The following EPB41L3 variants were observed in gnomAD, a reference collection of about 807,000 sequenced individuals.
EPB41L3 encodes the protein erythrocyte membrane protein band 4.1 like 3.
In EPB41L3, 57 loss-of-function variants were observed where a neutral mutation model predicts 127.1. The observed-to-expected ratio is 0.45, with a 90% confidence interval of 0.36 to 0.56. The LOEUF (loss-of-function observed/expected upper bound fraction) is 0.56, where lower values mean the gene tolerates loss of function less well. Among genes scored for constraint, EPB41L3 ranks in the 20% least tolerant of loss-of-function variants. EPB41L3 has a pLI of 0.00. For missense variants in EPB41L3, 1,273 were observed against 1,372.2 expected, an observed-to-expected ratio of 0.93 and a Z score of 1.14; for synonymous variants, 572 against 549.5, an observed-to-expected ratio of 1.04 and a Z score of -0.57.
rs1158581057 is a variant in EPB41L3 at position 5,543,816 on chromosome 18, T to A, written c.-12+97A>T. 4 of 930,248 alleles carry A rather than the reference T, an allele frequency of 4.3e-6. No individual in the cohort carries two copies. The highest frequency in any genetic ancestry group is 5.1e-6 in the Non-Finnish European group (4 of 780,544). 57.6% of individuals were successfully genotyped at this position (930,248 alleles called of 1,614,324 possible). A position where few individuals can be genotyped will look rare whatever the true frequency, so the allele number is the denominator to read the frequency against. The stretch of plus-strand genomic sequence containing the variant: ...CCGAAGCCACGCGTCAGCCCCACTG[T>A]CCCGCGCGCCTCGCCCCAGGCCTCG... On this transcript the variant is annotated intron_variant, in intron 1 of 22. Coordinates refer to ENST00000341928, the MANE Select transcript of EPB41L3 (RefSeq NM_012307.5). This position sits in a 1 kb window ranked among gnomAD's most constrained non-coding sequence, Gnocchi z 5.2.
At chr18:5,507,275 C>T (rs1315865549) in intron 1 of EPB41L3, among the ~76,000 whole-genome samples, 4 of 152,044 alleles carry the variant, frequency 2.6e-5, no homozygotes, top group Admixed American at 6.6e-5. Flanking sequence ...ATTTAAAACA[C>T]GGATGTTATA....
upstream of EPB41L3, chr18:5,544,317 C>T (rs1251983930): frequency 3.0e-6 from 3 of 985,254 alleles, no homozygotes; most frequent in Non-Finnish European, 3.6e-6. Flanking sequence ...CTCTCCAGAC[C>T]CCTCTCCCCT....
At chr18:5,562,409 G>A (rs2094145876) in intron 3 of EPB41L3, among the ~76,000 whole-genome samples, 1 of 152,216 alleles carries the variant, frequency 6.6e-6, no homozygotes, top group African/African-American at 2.4e-5. Context: ...TGAGAGTAGG[G>A]ATCGTAAGTA....
chr18:5,582,391 A>G (rs2094401921), intron 3 of EPB41L3, among the ~76,000 whole-genome samples: 1 of 152,158 alleles, frequency 6.6e-6, no homozygotes, highest in African/African-American at 2.4e-5. Context: ...AGGACCAAGA[A>G]CTTGGCAGCT....
chr18:5,462,144 G>C (rs1599264248), intron 3 of EPB41L3, among the ~76,000 whole-genome samples: 1 of 152,048 alleles, frequency 6.6e-6, no homozygotes, highest in Admixed American at 6.6e-5. Context: ...TTTAATAATG[G>C]TACCTTAAAA....
chr18:5,568,196 A>G (rs2149243671), intron 3 of EPB41L3, among the ~76,000 whole-genome samples: 1 of 152,242 alleles, frequency 6.6e-6, no homozygotes. Context: ...AAAAAGTATA[A>G]CTGATATATA....
intron 3 of EPB41L3, among the ~76,000 whole-genome samples, chr18:5,589,482 T>C (rs1017163891): frequency 6.6e-6 from 1 of 152,204 alleles, no homozygotes; most frequent in African/African-American, 2.4e-5. Context: ...ATCATGTGGC[T>C]ATAAAACATA....
At chr18:5,411,512 G>T (rs1162754819) in intron 13 of EPB41L3, among the ~76,000 whole-genome samples, 4 of 152,070 alleles carry the variant, frequency 2.6e-5, no homozygotes, top group African/African-American at 9.7e-5. Flanking sequence ...TTTTTAATCT[G>T]TTTCACAGGG....
intron 3 of EPB41L3, among the ~76,000 whole-genome samples, chr18:5,470,429 T>A (rs1037439272): frequency 4.6e-5 from 7 of 152,238 alleles, no homozygotes; most frequent in African/African-American, 1.4e-4. Flanking sequence ...ACATGTTTTA[T>A]GGATTAAAAT....
At chr18:5,566,703 C>CTTTCT (rs1397385327) in intron 3 of EPB41L3, among the ~76,000 whole-genome samples, 21 of 147,522 alleles carry the variant, frequency 1.4e-4, no homozygotes, top group East Asian at 1.2e-3. Flanking sequence ...ACTACCTGAC[C>CTTTCT]TTTCTTTTCT....
chr18:5,507,597 A>G (rs1598433979), intron 1 of EPB41L3, among the ~76,000 whole-genome samples: 1 of 152,190 alleles, frequency 6.6e-6, no homozygotes, highest in East Asian at 1.9e-4. Context: ...TAAAATACCT[A>G]ACCTTAACAT....
At chr18:5,624,049 G>T (rs1568664815) in intron 1 of EPB41L3, among the ~76,000 whole-genome samples, 1 of 152,168 alleles carries the variant, frequency 6.6e-6, no homozygotes, top group Non-Finnish European at 1.5e-5. Flanking sequence ...CACCCAGGCT[G>T]GAGTGCAGTG....
intron 1 of EPB41L3, among the ~76,000 whole-genome samples, chr18:5,536,416 G>A (rs1221536467): frequency 6.7e-6 from 1 of 149,828 alleles, no homozygotes; most frequent in Non-Finnish European, 1.5e-5. Context: ...AAGACCAAAA[G>A]AAAATATTTA....
At chr18:5,563,044 T>C (rs1049546575) in intron 3 of EPB41L3, among the ~76,000 whole-genome samples, 1 of 152,178 alleles carries the variant, frequency 6.6e-6, no homozygotes, top group Admixed American at 6.5e-5. Context: ...TCAGGTAGTA[T>C]GGGAGCACCT....
chr18:5,593,941 T>C (rs10163849), intron 3 of EPB41L3, among the ~76,000 whole-genome samples: 1,787 of 152,320 alleles, frequency 0.012, 24 homozygotes, highest in African/African-American at 0.034. Context: ...ATTGCTGTTA[T>C]CCTGTTCTTT....
At chr18:5,492,282 T>A (rs2090685173) in intron 1 of EPB41L3, among the ~76,000 whole-genome samples, 1 of 147,172 alleles carries the variant, frequency 6.8e-6, no homozygotes, top group Non-Finnish European at 1.5e-5. Flanking sequence ...ATTGCACCAC[T>A]GCACTCCAGC....
At chr18:5,467,683 A>G (rs2085251978) in intron 3 of EPB41L3, 1 of 152,286 alleles carries the variant, frequency 6.6e-6, no homozygotes, top group Non-Finnish European at 1.5e-5. Flanking sequence ...AAAAGTGTAC[A>G]GAATTACAAA....
chr18:5,394,891 C>T, intron 21 of EPB41L3, 98 bp from the exon 22 acceptor site: 1 of 1,241,676 alleles, frequency 8.1e-7, no homozygotes, highest in South Asian at 1.3e-5. Flanking sequence ...TCTATATCCA[C>T]AATTTACAAA....
intron 1 of EPB41L3, among the ~76,000 whole-genome samples, chr18:5,494,437 C>A (rs1001491135): frequency 2.6e-5 from 4 of 152,174 alleles, no homozygotes; most frequent in Non-Finnish European, 5.9e-5. Context: ...TCGGGTGGAT[C>A]CTCTGAGGTC....
Sources: allele counts gnomAD v4.1 joint callset (sites outside exome capture counted in the v4.1 genomes callset), GRCh38; gene constraint gnomAD v4.1.1; non-coding constraint Gnocchi (gnomAD v3.1); transcripts MANE v1.5; gene names NCBI Gene and HGNC (gene_info 2026-07-23, HGNC 2026-07-21).